The following LRRIQ3 variants were observed in gnomAD, a reference collection of about 807,000 sequenced individuals.
The protein encoded by LRRIQ3 is leucine rich repeats and IQ motif containing 3.
Under a neutral mutation model 59.3 loss-of-function variants are expected in LRRIQ3, and 75 were observed. That is an observed-to-expected ratio of 1.26 (90% CI 1.05 to 1.53). The LOEUF is 1.53. LRRIQ3 is among the 40% of genes most tolerant of loss of function. The probability of loss-of-function intolerance (pLI) is 0.00; values close to 1 mark genes in which losing one functional copy is unlikely to be tolerated. For missense variants in LRRIQ3, 831 were observed against 710.0 expected (o/e 1.17, Z -1.94); for synonymous variants, 250 against 231.3 (o/e 1.08, Z -0.73).
At chr1:74,141,540 G>A (rs1170550528) in intron 4 of LRRIQ3, among the ~76,000 whole-genome samples, 2 of 151,706 alleles carry the variant, frequency 1.3e-5, no homozygotes, top group Non-Finnish European at 2.9e-5. Context: ...ATTTCTAAAT[G>A]TTTTGAACAC....
intron 4 of LRRIQ3, among the ~76,000 whole-genome samples, chr1:74,127,496 T>C (rs1306541319): frequency 1.3e-5 from 2 of 151,922 alleles, no homozygotes; most frequent in African/African-American, 4.8e-5. Flanking sequence ...GTATTTTTTT[T>C]ATTTGAAGAT....
intron 5 of LRRIQ3, among the ~76,000 whole-genome samples, chr1:74,098,583 C>T (rs1467858106): frequency 1.3e-5 from 2 of 152,136 alleles, no homozygotes; most frequent in African/African-American, 4.8e-5. Flanking sequence ...CTCTCCACCC[C>T]AGATCAACAG....
At chr1:74,049,925 C>CTTTT (rs1343000738) in intron 6 of LRRIQ3, among the ~76,000 whole-genome samples, 2 of 102,790 alleles carry the variant, frequency 1.9e-5, no homozygotes, top group Non-Finnish European at 4.3e-5. Flanking sequence ...TCTTTTTTTT[C>CTTTT]TTTTTTTTTT....
At chr1:74,124,332 G>C (rs1051207036) in intron 4 of LRRIQ3, among the ~76,000 whole-genome samples, 1 of 151,710 alleles carries the variant, frequency 6.6e-6, no homozygotes, top group South Asian at 2.1e-4. Context: ...TCATTTTATT[G>C]TTTCCTTTGC....
intron 6 of LRRIQ3, among the ~76,000 whole-genome samples, chr1:74,063,795 T>C (rs1196366146): frequency 1.3e-5 from 2 of 151,974 alleles, no homozygotes; most frequent in South Asian, 2.1e-4. Context: ...CTAAAGTGTG[T>C]TTGCTTTAAA....
At chr1:74,136,810 T>C (rs139374085) in intron 4 of LRRIQ3, among the ~76,000 whole-genome samples, 192 of 152,058 alleles carry the variant, frequency 1.3e-3, no homozygotes, top group Admixed American at 2.6e-3. Flanking sequence ...TCAGTAGAAA[T>C]TATTAAGGCT....
chr1:74,095,923 G>A (rs1264569193), intron 5 of LRRIQ3, among the ~76,000 whole-genome samples: 1 of 151,938 alleles, frequency 6.6e-6, no homozygotes, highest in Non-Finnish European at 1.5e-5. Context: ...TCAAAATTAT[G>A]AGGCCCCTAA....
At chr1:74,162,497 G>A (rs72670744) in intron 3 of LRRIQ3, among the ~76,000 whole-genome samples, 3,848 of 151,776 alleles carry the variant, frequency 0.025, 71 homozygotes, top group Middle Eastern at 0.041. Flanking sequence ...ATCCTGGAAC[G>A]AAATAGAGTG....
At chr1:74,190,554 G>C (rs1017684334) in intron 1 of LRRIQ3, among the ~76,000 whole-genome samples, 1 of 151,472 alleles carries the variant, frequency 6.6e-6, no homozygotes, top group Admixed American at 6.6e-5. Flanking sequence ...TAATAAAAAT[G>C]CCAAAAAAGG....
intron 5 of LRRIQ3, among the ~76,000 whole-genome samples, chr1:74,107,766 T>C (rs1234680411): frequency 3.3e-5 from 5 of 151,144 alleles, no homozygotes; most frequent in Admixed American, 2.6e-4. Flanking sequence ...CTTTAAGAAA[T>C]TGAGATGAAG....
intron 7 of LRRIQ3, among the ~76,000 whole-genome samples, chr1:74,038,018 G>A (rs150758632): frequency 1.3e-3 from 197 of 152,286 alleles, no homozygotes; most frequent in African/African-American, 4.6e-3. Context: ...TAGGGGAGAG[G>A]CACCAGCCAA....
intron 6 of LRRIQ3, among the ~76,000 whole-genome samples, chr1:74,048,001 A>G (rs567046692): frequency 1.3e-5 from 2 of 152,318 alleles, no homozygotes; most frequent in South Asian, 4.1e-4. Flanking sequence ...ATATGGACAC[A>G]GCAAGATGGT....
At chr1:74,064,107 T>A (rs78612743) in intron 6 of LRRIQ3, among the ~76,000 whole-genome samples, 5,079 of 151,890 alleles carry the variant, frequency 0.033, 296 homozygotes, top group African/African-American at 0.12. Flanking sequence ...CATATTTAGA[T>A]ACTATATATA....
At chr1:74,187,276 C>A (rs1650458283) in intron 1 of LRRIQ3, among the ~76,000 whole-genome samples, 1 of 151,042 alleles carries the variant, frequency 6.6e-6, no homozygotes, top group South Asian at 2.1e-4. Context: ...TGGTACAAAC[C>A]TAAGTACCCA....
At chr1:74,087,010 T>G (rs1238318105) in intron 5 of LRRIQ3, among the ~76,000 whole-genome samples, 3 of 152,116 alleles carry the variant, frequency 2.0e-5, no homozygotes, top group African/African-American at 7.2e-5. Flanking sequence ...TAATTACAAT[T>G]AAATAGCAAT....
chr1:74,161,876 C>T lies in LRRIQ3; in HGVS notation c.574-6010G>A, dbSNP rs137923862. 4.3e-3 allele frequency among the ~76,000 whole-genome samples: 646 copies of T among 151,866 alleles called. 6 individuals are homozygous for T. Among genetic ancestry groups the T allele is most frequent in the African/African-American group, 0.015 (629 of 41,470 alleles). ...ACAATAAAGACCCTGCAAAATTTTACAAATGCCATAAACCATTTGATGTCT... is the reference window on the plus strand; with the variant it reads ...ACAATAAAGACCCTGCAAAATTTTATAAATGCCATAAACCATTTGATGTCT... On this transcript the variant is annotated intron_variant, in intron 3 of 7. Coordinates refer to ENST00000354431, the MANE Select transcript of LRRIQ3 (RefSeq NM_001105659.2).
chr1:74,143,207 G>A (rs1647343804), intron 4 of LRRIQ3, among the ~76,000 whole-genome samples: 1 of 151,968 alleles, frequency 6.6e-6, no homozygotes, highest in Non-Finnish European at 1.5e-5. Flanking sequence ...AACTGGGTAA[G>A]ATGAACGGGA....
intron 4 of LRRIQ3, among the ~76,000 whole-genome samples, chr1:74,131,382 A>G (rs952488838): frequency 5.3e-5 from 8 of 152,342 alleles, no homozygotes; most frequent in African/African-American, 1.7e-4. Context: ...CTATGAGGCC[A>G]GCATCATCCT....
At chr1:74,050,448 A>G (rs959283007) in intron 6 of LRRIQ3, 11 of 879,486 alleles carry the variant, frequency 1.3e-5, no homozygotes, top group Non-Finnish European at 1.5e-5. Context: ...CAGCCAATTT[A>G]CTTTCAGTTT....
Sources: allele counts gnomAD v4.1 joint callset (sites outside exome capture counted in the v4.1 genomes callset), GRCh38; gene constraint gnomAD v4.1.1; transcripts MANE v1.5; gene names NCBI Gene and HGNC (gene_info 2026-07-23, HGNC 2026-07-21).